SYNDIG1: variants seen among roughly 807,000 people sequenced by gnomAD.
SYNDIG1 encodes the protein synapse differentiation-inducing gene protein 1.
Under a neutral mutation model 19.4 loss-of-function variants are expected in SYNDIG1, and 9 were observed. The ratio of observed to expected loss-of-function variants is 0.46; its 90% CI spans 0.28 to 0.81. The LOEUF is 0.81. SYNDIG1 is among the 30% of genes least tolerant of loss of function. SYNDIG1 has a pLI of 0.12. For synonymous variants in SYNDIG1, 141 were observed against 145.9 expected (o/e 0.97, Z 0.24); for missense variants, 311 against 343.3 (o/e 0.91, Z 0.74).
intron 3 of SYNDIG1, among the ~76,000 whole-genome samples, chr20:24,650,182 C>T (rs142633700): frequency 1.3e-5 from 2 of 152,324 alleles, no homozygotes; most frequent in East Asian, 1.9e-4. Flanking sequence ...TCTCAGTCTT[C>T]GTTGTCTTAT....
chr20:24,543,186 A>G lies in SYNDIG1; in HGVS notation c.89A>G (p.Asn30Ser). 1.9e-6 allele frequency: 3 copies of G among 1,614,078 alleles called. No homozygotes were observed. The highest frequency in any genetic ancestry group is 2.5e-6 in the Non-Finnish European group (3 of 1,180,024). ...GKRNGLINTR[N>S]LMAESRDGLV... ...AGGAATGGTTTAATTAACACCAGAA[A>G]CTTGATGGCCGAGAGCAGAGATGGT... is the stretch of plus-strand genomic sequence containing the variant. Residue 30 changes from asparagine to serine, a missense_variant, in exon 2 of 4, where the codon AAC becomes AGC. By Grantham distance (46) the Asn-to-Ser change is conservative (BLOSUM62 1). Coordinates refer to ENST00000376862, the MANE Select transcript of SYNDIG1 (RefSeq NM_024893.3).
intron 1 of SYNDIG1, among the ~76,000 whole-genome samples, chr20:24,501,096 T>TCGG: frequency 6.6e-6 from 1 of 152,334 alleles, no homozygotes; most frequent in East Asian, 1.9e-4. Flanking sequence ...AATCTACCTA[T>TCGG]CTATCTACTT....
chr20:24,505,253 A>G (rs1335530638), intron 1 of SYNDIG1, among the ~76,000 whole-genome samples: 1 of 152,168 alleles, frequency 6.6e-6, no homozygotes, highest in East Asian at 1.9e-4. Context: ...GGGAAGCAGG[A>G]AAACCAGCCA....
chr20:24,614,123 T>C (rs111748794), intron 3 of SYNDIG1, among the ~76,000 whole-genome samples: 1,907 of 152,334 alleles, frequency 0.013, 42 homozygotes, highest in African/African-American at 0.044. Flanking sequence ...GCCTCCCAAG[T>C]AGCTGGGACT....
chr20:24,539,525 G>T (rs1194042757), intron 1 of SYNDIG1, among the ~76,000 whole-genome samples: 1 of 152,142 alleles, frequency 6.6e-6, no homozygotes, highest in East Asian at 1.9e-4. Context: ...AAATCAGGAG[G>T]TGTGAGTACT....
intron 1 of SYNDIG1, among the ~76,000 whole-genome samples, chr20:24,517,730 A>G (rs1364855844): frequency 6.8e-6 from 1 of 146,320 alleles, no homozygotes; most frequent in Non-Finnish European, 1.5e-5. Context: ...GTATGTATAT[A>G]TATTATATAT....
intron 3 of SYNDIG1, among the ~76,000 whole-genome samples, chr20:24,587,854 T>C (rs1329102692): frequency 6.6e-6 from 1 of 152,336 alleles, no homozygotes; most frequent in African/African-American, 2.4e-5. Context: ...GGGTTTTTTT[T>C]CCCTTTTATC....
intron 3 of SYNDIG1, among the ~76,000 whole-genome samples, chr20:24,604,520 G>T (rs754970349): frequency 6.6e-6 from 1 of 152,248 alleles, no homozygotes; most frequent in Non-Finnish European, 1.5e-5. Flanking sequence ...TCCCACCAGC[G>T]CCATGACAGT....
At chr20:24,623,984 TG>T (rs1482681482) in intron 3 of SYNDIG1, among the ~76,000 whole-genome samples, 3 of 152,156 alleles carry the variant, frequency 2.0e-5, no homozygotes, top group Non-Finnish European at 2.9e-5. Flanking sequence ...CCCAACTGGC[TG>T]GGTGCGGTGG....
intron 2 of SYNDIG1, among the ~76,000 whole-genome samples, chr20:24,582,856 C>T (rs1600681277): frequency 6.6e-6 from 1 of 152,360 alleles, no homozygotes; most frequent in East Asian, 1.9e-4. Context: ...GGCAGCGACT[C>T]CTTGACCTGT....
intron 3 of SYNDIG1, among the ~76,000 whole-genome samples, chr20:24,611,478 T>C (rs2058846764): frequency 6.6e-6 from 1 of 152,166 alleles, no homozygotes; most frequent in Non-Finnish European, 1.5e-5. Context: ...GCAACTCAGC[T>C]TAGGGCTCTA....
intron 3 of SYNDIG1, among the ~76,000 whole-genome samples, chr20:24,604,876 G>A (rs554669906): frequency 8.5e-5 from 13 of 152,126 alleles, no homozygotes; most frequent in Middle Eastern, 3.4e-3. Flanking sequence ...ATAATATTCC[G>A]TGCACCCCGC....
chr20:24,482,830 T>A (rs73341667), intron 1 of SYNDIG1, among the ~76,000 whole-genome samples: 2,558 of 152,326 alleles, frequency 0.017, 73 homozygotes, highest in African/African-American at 0.059. Context: ...AAGGAAAATA[T>A]GTTGAACATT....
chr20:24,521,731 C>T (rs1377634063), intron 1 of SYNDIG1, among the ~76,000 whole-genome samples: 2 of 151,986 alleles, frequency 1.3e-5, no homozygotes, highest in Admixed American at 1.3e-4. Flanking sequence ...AACCCCGTCT[C>T]TACTAAAAAT....
intron 1 of SYNDIG1, among the ~76,000 whole-genome samples, chr20:24,482,737 C>A (rs1462120119): frequency 6.6e-6 from 1 of 152,188 alleles, no homozygotes; most frequent in Non-Finnish European, 1.5e-5. Flanking sequence ...TATTCTAAAT[C>A]CCTTGTCCAT....
rs1250201576 is a variant in SYNDIG1 at position 24,542,428 on chromosome 20, C to T, written c.-78-592C>T. 2.0e-5 allele frequency among the ~76,000 whole-genome samples: 3 copies of T among 152,180 alleles called. No homozygotes were observed. The East Asian group carries it at 5.8e-4, about 29-fold the overall frequency. ...AGATTCTGCATTTCCAACAAGCTCC[C>T]AGCTGGTGCTGATGCTTCTGGTTCT... On this transcript the variant is annotated intron_variant, in intron 1 of 3. Coordinates refer to ENST00000376862, the MANE Select transcript of SYNDIG1 (RefSeq NM_024893.3).
At chr20:24,589,205 A>T (rs1176605912) in intron 3 of SYNDIG1, among the ~76,000 whole-genome samples, 1 of 152,208 alleles carries the variant, frequency 6.6e-6, no homozygotes, top group Non-Finnish European at 1.5e-5. Context: ...TAATGCACAC[A>T]CTTTATCTTA....
chr20:24,507,011 G>C (rs2056609810), intron 1 of SYNDIG1, among the ~76,000 whole-genome samples: 1 of 152,232 alleles, frequency 6.6e-6, no homozygotes, highest in Non-Finnish European at 1.5e-5. Context: ...TAAGGATTTG[G>C]GTGATTTGGG....
intron 2 of SYNDIG1, among the ~76,000 whole-genome samples, chr20:24,579,494 G>A (rs1295142864): frequency 2.0e-5 from 3 of 152,178 alleles, no homozygotes; most frequent in Admixed American, 6.5e-5. Flanking sequence ...CTAAGATGGA[G>A]TCACTTATGT....
Sources: gnomAD v4.1 joint callset for allele counts (sites outside exome capture counted in the v4.1 genomes callset) on GRCh38, gnomAD v4.1.1 for gene constraint, MANE v1.5 for transcripts, NCBI Gene and HGNC (gene_info 2026-07-23, HGNC 2026-07-21) for gene names.